CRK: variants seen among roughly 807,000 people sequenced by gnomAD.
CRK encodes the protein adapter molecule crk.
A neutral mutation model predicts 29.8 loss-of-function variants in CRK; 4 were observed. The ratio of observed to expected loss-of-function variants is 0.13; its 90% CI spans 0.07 to 0.31. The LOEUF is 0.31. Among genes scored for constraint, CRK ranks in the 10% least tolerant of loss-of-function variants. The pLI is 1.00. For missense variants in CRK, 274 were observed against 396.5 expected (o/e 0.69, Z 2.62); for synonymous variants, 153 against 164.9 (o/e 0.93, Z 0.55).
chr17:1,441,653 G>A (rs999039296), intron 1 of CRK, among the ~76,000 whole-genome samples: 13 of 150,844 alleles, frequency 8.6e-5, no homozygotes, highest in East Asian at 2.0e-4. Context: ...CACCACACCC[G>A]GCTAATTTTT....
intron 1 of CRK, among the ~76,000 whole-genome samples, chr17:1,450,438 C>T (rs1419393256): frequency 1.3e-5 from 2 of 151,802 alleles, no homozygotes; most frequent in African/African-American, 2.4e-5. Context: ...ACCCGGCAGG[C>T]GGAGCTTTCA....
At chr17:1,449,622 C>T (rs1392922642) in intron 1 of CRK, among the ~76,000 whole-genome samples, 1 of 152,166 alleles carries the variant, frequency 6.6e-6, no homozygotes, top group Non-Finnish European at 1.5e-5. Context: ...CTTATAACGA[C>T]TCTCCTAACT....
intron 1 of CRK, among the ~76,000 whole-genome samples, chr17:1,446,660 C>T (rs540619099): frequency 6.9e-5 from 10 of 144,950 alleles, no homozygotes; most frequent in Admixed American, 3.7e-4. Context: ...GGCGCCATCT[C>T]GGCTCACTGC....
chr17:1,450,071 G>A (rs141298993), intron 1 of CRK, among the ~76,000 whole-genome samples: 190 of 152,156 alleles, frequency 1.2e-3, no homozygotes, highest in African/African-American at 4.2e-3. Context: ...GAGTGGTGGC[G>A]CATGCCTGTA....
chr17:1,452,980 C>G (rs570773156), intron 1 of CRK, among the ~76,000 whole-genome samples: 1 of 152,022 alleles, frequency 6.6e-6, no homozygotes, highest in African/African-American at 2.4e-5. Context: ...ATGGTGGATA[C>G]GCCTGGAGTC....
chr17:1,425,357 G>A (rs1278543910), intron 2 of CRK, among the ~76,000 whole-genome samples: 1 of 152,020 alleles, frequency 6.6e-6, no homozygotes, highest in South Asian at 2.1e-4. Flanking sequence ...CTCCCAAAGT[G>A]CTATGATTAC....
At chr17:1,425,560 A>G (rs2073770575) in intron 2 of CRK, among the ~76,000 whole-genome samples, 1 of 152,198 alleles carries the variant, frequency 6.6e-6, no homozygotes, top group South Asian at 2.1e-4. Flanking sequence ...ATGCCCAGCT[A>G]ATTACAGGCA....
intron 2 of CRK, among the ~76,000 whole-genome samples, chr17:1,430,396 G>A (rs1041803421): frequency 4.2e-4 from 63 of 150,374 alleles, no homozygotes; most frequent in South Asian, 1.5e-3. Flanking sequence ...TCGCTCTGTC[G>A]CCCAGGCTGG....
At chr17:1,442,617 T>TTC (rs1415865496) in intron 1 of CRK, among the ~76,000 whole-genome samples, 19 of 149,530 alleles carry the variant, frequency 1.3e-4, no homozygotes, top group African/African-American at 4.7e-4. Flanking sequence ...TTTTTTTTTT[T>TTC]TTTTTTTGAA....
chr17:1,425,664 G>C (rs188730189), intron 2 of CRK, among the ~76,000 whole-genome samples: 24 of 152,238 alleles, frequency 1.6e-4, no homozygotes, highest in African/African-American at 5.3e-4. Flanking sequence ...AATGTACGCA[G>C]GCACATCTAC....
rs188037371 is a variant in CRK, at chr17:1,441,312, G to C, written c.242-4157C>G. On this transcript the variant is annotated intron_variant, in intron 1 of 2. Transcript: ENST00000300574. ...TGGGTCCAGCGATCCTCTCACCTTA[G>C]TCTCCTGAGTACATGATTTTGTTAT... Among the ~76,000 whole-genome samples the C allele has an allele frequency of 2.6e-5, 4 of 152,156 alleles. No homozygotes were observed. In the East Asian group the frequency reaches 7.7e-4, roughly 29 times the overall value.
intron 2 of CRK, among the ~76,000 whole-genome samples, chr17:1,429,274 T>C (rs1454520212): frequency 1.3e-5 from 2 of 151,636 alleles, no homozygotes; most frequent in Admixed American, 6.6e-5. Context: ...AGAGGAACCC[T>C]TGAGTCCAGG....
chr17:1,440,890 A>G (rs8082128), intron 1 of CRK, among the ~76,000 whole-genome samples: 1 of 152,078 alleles, frequency 6.6e-6, no homozygotes, highest in East Asian at 1.9e-4. Context: ...GGCAAAAGAG[A>G]GAGACCTTGT....
At chr17:1,436,099 G>C (rs961550291) in intron 2 of CRK, among the ~76,000 whole-genome samples, 1 of 152,070 alleles carries the variant, frequency 6.6e-6, no homozygotes, top group African/African-American at 2.4e-5. Context: ...AGGACTTCTG[G>C]GTGTGCATCT....
At chr17:1,425,361 T>C (rs182662061) in intron 2 of CRK, among the ~76,000 whole-genome samples, 28 of 152,150 alleles carry the variant, frequency 1.8e-4, no homozygotes, top group Non-Finnish European at 3.4e-4. Flanking sequence ...CAAAGTGCTA[T>C]GATTACAGGT....
At chr17:1,430,066 C>CA (rs1386474829) in intron 2 of CRK, among the ~76,000 whole-genome samples, 1 of 146,404 alleles carries the variant, frequency 6.8e-6, no homozygotes, top group Non-Finnish European at 1.5e-5. Context: ...TTTTTAAAGA[C>CA]AGAGTTTCGC....
chr17:1,454,795 T>C (rs2074043751), intron 1 of CRK, among the ~76,000 whole-genome samples: 1 of 152,176 alleles, frequency 6.6e-6, no homozygotes, highest in South Asian at 2.1e-4. Context: ...AATTACTTTG[T>C]ACCTCACAAA....
At chr17:1,448,997 C>A (rs1199940015) in intron 1 of CRK, among the ~76,000 whole-genome samples, 1 of 152,152 alleles carries the variant, frequency 6.6e-6, no homozygotes, top group Non-Finnish European at 1.5e-5. Flanking sequence ...CCACTGCACA[C>A]CAGCCTGAGC....
At chr17:1,447,258 G>T (rs1041652188) in intron 1 of CRK, among the ~76,000 whole-genome samples, 2 of 152,154 alleles carry the variant, frequency 1.3e-5, no homozygotes, top group African/African-American at 4.8e-5. Context: ...CAGAAGCAAC[G>T]ACAGGATTCT....
Sources: allele counts gnomAD v4.1 joint callset (sites outside exome capture counted in the v4.1 genomes callset), GRCh38; gene constraint gnomAD v4.1.1; transcripts MANE v1.5; gene names NCBI Gene and HGNC (gene_info 2026-07-23, HGNC 2026-07-21).